Variants in LRRC4C observed in about 807,000 individuals in gnomAD.
The protein encoded by LRRC4C is leucine rich repeat containing 4C.
Under a neutral mutation model 33.6 loss-of-function variants are expected in LRRC4C, and 5 were observed. The observed-to-expected ratio is 0.15, with a 90% confidence interval of 0.08 to 0.31. LRRC4C has a LOEUF of 0.31. Among genes scored for constraint, LRRC4C ranks in the 10% least tolerant of loss-of-function variants. The pLI is 1.00. For synonymous variants in LRRC4C, 329 were observed against 302.0 expected (o/e 1.09, Z -0.93); for missense variants, 560 against 796.7 (o/e 0.70, Z 3.58).
chr11:40,499,543 T>A (rs1954639101), intron 3 of LRRC4C, among the ~76,000 whole-genome samples: 1 of 152,172 alleles, frequency 6.6e-6, no homozygotes, highest in African/African-American at 2.4e-5. Flanking sequence ...GATTTTCACA[T>A]AATTCCCACA....
In LRRC4C at chr11:40,278,322, G is replaced by A. The variant is rs185828906; in HGVS notation, c.-175-36724C>T. Among the ~76,000 whole-genome samples the A allele has an allele frequency of 1.5e-3, 230 of 152,256 alleles. 2 individuals are homozygous for A. The highest frequency in any genetic ancestry group is 2.9e-3 in the Admixed American group (44 of 15,292). ...AATCGAGAGATCTGGAATGGCGTAT[G>A]TCACTGCTAAGACCTTTGCAACAAC... On this transcript the variant is annotated intron_variant, in intron 4 of 6. Coordinates refer to ENST00000528697, the MANE Select transcript of LRRC4C (RefSeq NM_001258419.2).
At chr11:41,295,363 T>C (rs1950108347) in intron 1 of LRRC4C, among the ~76,000 whole-genome samples, 1 of 152,112 alleles carries the variant, frequency 6.6e-6, no homozygotes, top group African/African-American at 2.4e-5. Context: ...AAAAAGCAGA[T>C]AGTAAATAAA....
intron 3 of LRRC4C, among the ~76,000 whole-genome samples, chr11:40,477,347 T>C (rs1246069060): frequency 1.3e-5 from 2 of 152,150 alleles, no homozygotes; most frequent in Non-Finnish European, 2.9e-5. Context: ...AACCAGCTGC[T>C]TGGTTTTCTA....
At chr11:41,240,658 G>T (rs1421030652) in intron 1 of LRRC4C, among the ~76,000 whole-genome samples, 3 of 152,112 alleles carry the variant, frequency 2.0e-5, no homozygotes, top group African/African-American at 7.2e-5. Context: ...ATTGATTCTG[G>T]TAGGGGTCAT....
rs889533291 is a variant in LRRC4C at position 40,279,195 on chromosome 11, C to T, written c.-175-37597G>A. Reference sequence around the variant, plus strand: ...GCAAATTCTCTTTTTTGCTTAACCTCGCTAGACTTTTCCCTTCTTATGTCA... The same window carrying T: ...GCAAATTCTCTTTTTTGCTTAACCTTGCTAGACTTTTCCCTTCTTATGTCA... On this transcript the variant is annotated intron_variant, in intron 4 of 6. Coordinates refer to ENST00000528697, the MANE Select transcript of LRRC4C (RefSeq NM_001258419.2). Among the ~76,000 whole-genome samples, 4 of 152,146 alleles carry T rather than the reference C, an allele frequency of 2.6e-5. 1 individual carries two copies. The highest frequency in any genetic ancestry group is 2.1e-4 in the South Asian group (1 of 4,830).
intron 1 of LRRC4C, among the ~76,000 whole-genome samples, chr11:41,114,444 G>C (rs1382228476): frequency 1.3e-5 from 2 of 151,914 alleles, no homozygotes; most frequent in African/African-American, 4.8e-5. Context: ...TGTTTCAAAG[G>C]ATGTCCTGAA....
chr11:40,195,659 T>C (rs1266484147), intron 5 of LRRC4C, among the ~76,000 whole-genome samples: 1 of 151,922 alleles, frequency 6.6e-6, no homozygotes. Flanking sequence ...TTGGTTAAAA[T>C]GTATATAGAA....
chr11:40,365,479 C>A (rs1331105430), intron 3 of LRRC4C, among the ~76,000 whole-genome samples: 1 of 151,864 alleles, frequency 6.6e-6, no homozygotes, highest in Non-Finnish European at 1.5e-5. Context: ...GGTTTTTTTA[C>A]CCTGTGATAC....
At chr11:41,089,604 A>T (rs1219207785) in intron 1 of LRRC4C, among the ~76,000 whole-genome samples, 3 of 151,944 alleles carry the variant, frequency 2.0e-5, no homozygotes, top group Admixed American at 6.6e-5. Flanking sequence ...TAAAAAAAAA[A>T]TTGGTGCATT....
intron 3 of LRRC4C, among the ~76,000 whole-genome samples, chr11:40,457,647 C>G (rs1008528658): frequency 1.1e-4 from 16 of 152,068 alleles, no homozygotes; most frequent in Non-Finnish European, 2.2e-4. Flanking sequence ...TTAATAGCTG[C>G]CAGAGAATCA....
At chr11:41,422,395 G>A (rs1565660625) in intron 1 of LRRC4C, among the ~76,000 whole-genome samples, 2 of 151,986 alleles carry the variant, frequency 1.3e-5, no homozygotes, top group African/African-American at 2.4e-5. Context: ...GCCAGTGGCA[G>A]GTCTAACAAA....
intron 4 of LRRC4C, among the ~76,000 whole-genome samples, chr11:40,259,529 GT>G (rs1204625805): frequency 1.3e-5 from 2 of 152,018 alleles, no homozygotes; most frequent in Admixed American, 6.6e-5. Flanking sequence ...TTCTTCTAGG[GT>G]TTTTATGGTT....
chr11:40,910,729 G>A (rs112717137), intron 2 of LRRC4C, among the ~76,000 whole-genome samples: 8,217 of 152,224 alleles, frequency 0.054, 309 homozygotes, highest in South Asian at 0.14. Flanking sequence ...CACCGAGCTT[G>A]AGCCGGAGCA....
At chr11:40,993,530 T>C (rs1004362941) in intron 1 of LRRC4C, among the ~76,000 whole-genome samples, 8 of 152,186 alleles carry the variant, frequency 5.3e-5, no homozygotes, top group African/African-American at 1.9e-4. Context: ...ACACCTGCAT[T>C]GAAACTTTTT....
At chr11:41,293,411 T>C (rs1025792716) in intron 1 of LRRC4C, among the ~76,000 whole-genome samples, 3 of 152,076 alleles carry the variant, frequency 2.0e-5, no homozygotes, top group African/African-American at 7.2e-5. Context: ...GAAAAACGTA[T>C]ATAGAACTAT....
At chr11:40,364,164 A>G (rs1590455670) in intron 3 of LRRC4C, among the ~76,000 whole-genome samples, 1 of 152,140 alleles carries the variant, frequency 6.6e-6, no homozygotes, top group African/African-American at 2.4e-5. Context: ...TTAAATTCAT[A>G]ATTTCTGGTG....
chr11:40,796,354 G>T (rs1458463754), intron 2 of LRRC4C, among the ~76,000 whole-genome samples: 1 of 152,116 alleles, frequency 6.6e-6, no homozygotes, highest in Non-Finnish European at 1.5e-5. Flanking sequence ...AAACTCTGAA[G>T]TTCATATAAA....
At chr11:41,094,393 G>T (rs1035008998) in intron 1 of LRRC4C, among the ~76,000 whole-genome samples, 1 of 150,906 alleles carries the variant, frequency 6.6e-6, no homozygotes, top group South Asian at 2.1e-4. Flanking sequence ...GCCTGGTGGC[G>T]TGTGCCTGTA....
chr11:41,209,735 G>A (rs1391095314), intron 1 of LRRC4C, among the ~76,000 whole-genome samples: 1 of 152,112 alleles, frequency 6.6e-6, no homozygotes, highest in Non-Finnish European at 1.5e-5. Context: ...TTGGGAGGGG[G>A]TGAATGTATT....
Sources: allele counts gnomAD v4.1 joint callset (sites outside exome capture counted in the v4.1 genomes callset), GRCh38; gene constraint gnomAD v4.1.1; transcripts MANE v1.5; gene names NCBI Gene and HGNC (gene_info 2026-07-23, HGNC 2026-07-21).